NMT1: variants seen among roughly 807,000 people sequenced by gnomAD.
NMT1 encodes the protein glycylpeptide N-tetradecanoyltransferase 1.
A neutral mutation model predicts 63.4 loss-of-function variants in NMT1; 12 were observed. That is an observed-to-expected ratio of 0.19 (90% CI 0.12 to 0.31). The LOEUF (loss-of-function observed/expected upper bound fraction) is 0.31. Among genes scored for constraint, NMT1 ranks in the 10% least tolerant of loss-of-function variants. NMT1 has a pLI of 1.00. For synonymous variants in NMT1, 228 were observed against 234.3 expected (o/e 0.97, Z 0.25); for missense variants, 432 against 634.6 (o/e 0.68, Z 3.43).
Position 45,103,827 on chromosome 17 carries a change from A to G in NMT1, c.1283A>G (p.Gln428Arg). 6.2e-7 allele frequency: 1 copy of G among 1,614,166 alleles called. No homozygotes were observed. The highest frequency in any genetic ancestry group is 8.5e-7 in the Non-Finnish European group (1 of 1,180,028). Residue 428 changes from glutamine (Q) to arginine (R), a missense_variant, in exon 10 of 12, where the codon CAG (glutamine) becomes CGG (arginine). Gln to Arg is a conservative substitution (Grantham distance 43). This residue lies in a region of NMT1 where 295 missense variants were observed against 489.7 expected (regional missense o/e 0.60). Coordinates refer to ENST00000258960, the MANE Select transcript of NMT1 (RefSeq NM_021079.5). The surrounding 1 kb of genome is among the most constrained non-coding windows in gnomAD (Gnocchi z 4.8). The stretch of plus-strand genomic sequence containing the variant: ...TATTCTTTCTACAACGTTCACACCC[A>G]GACCCCTCTTCTAGACCTCATGAGC... ...AAYSFYNVHTQTPLLDLMSDA... is the reference protein window; with the variant it reads ...AAYSFYNVHTRTPLLDLMSDA...
At position 45,108,271 on chromosome 17, in the gene NMT1, A is replaced by C. The variant is rs1305161174; in HGVS notation, c.*2632A>C. On this transcript the variant is annotated 3_prime_UTR_variant, in exon 12 of 12. Transcript: ENST00000258960. Reference sequence around the variant, plus strand: ...GACTCTGCATTTGACCACGGACTCCAGTCTGTGTGTAGGGAGAGAGCTGAG... The same window carrying C: ...GACTCTGCATTTGACCACGGACTCCCGTCTGTGTGTAGGGAGAGAGCTGAG... 6.6e-6 allele frequency: 1 copy of C among 152,238 alleles called. No homozygotes were observed. The highest frequency in any genetic ancestry group is 1.5e-5 in the Non-Finnish European group (1 of 68,076). 9.4% of individuals were successfully genotyped at this position (152,238 alleles called of 1,614,324 possible). A position where few individuals can be genotyped will look rare whatever the true frequency, so the allele number is the denominator to read the frequency against.
chr17:45,086,596 A>G lies in NMT1; in HGVS notation c.329A>G (p.Glu110Gly). ...SVGQGPAKTM[E>G]EASKRSYQFW... ...GGTCAGGGACCTGCCAAAACCATGG[A>G]GGAGGCTAGCAAGCGAAGCTACCAG... Residue 110 changes from glutamate (E) to glycine (G), a missense_variant, in exon 3 of 12, where the codon GAG becomes GGG. Glu to Gly is a moderately conservative substitution (Grantham distance 98). Coordinates refer to ENST00000258960, the MANE Select transcript of NMT1 (RefSeq NM_021079.5). 6.2e-7 allele frequency: 1 copy of G among 1,613,730 alleles called. No homozygotes were observed.
In NMT1 at chr17:45,093,718, C is replaced by T. The variant is rs1421268751; in HGVS notation, c.419C>T (p.Pro140Leu). ...EVVNTHGPVEPDKDNIRQEPY... is the reference protein window; with the variant it reads ...EVVNTHGPVELDKDNIRQEPY... ...GTGAACACCCATGGCCCCGTGGAGCCTGACAAGGACAATATCCGCCAGGAG... is the reference window on the plus strand; with the variant it reads ...GTGAACACCCATGGCCCCGTGGAGCTTGACAAGGACAATATCCGCCAGGAG... The change falls in exon 4 of 12, where the codon CCT (proline) becomes CTT (leucine). Residue 140 changes from proline (P) to leucine (L), a missense_variant. Physicochemically the swap from Pro to Leu is moderately conservative, Grantham distance 98. Coordinates refer to ENST00000258960, the MANE Select transcript of NMT1 (RefSeq NM_021079.5). 1 of 1,614,212 alleles carries T rather than the reference C, an allele frequency of 6.2e-7. No homozygotes were observed. Among genetic ancestry groups the T allele is most frequent in the Non-Finnish European group, 8.5e-7 (1 of 1,180,030 alleles).
chr17:45,100,302 C>T (rs536511408), intron 8 of NMT1, among the ~76,000 whole-genome samples: 1 of 152,182 alleles, frequency 6.6e-6, no homozygotes, highest in East Asian at 2.0e-4. Flanking sequence ...CGCAGTGGCT[C>T]ACGCCTGTAA....
Position 45,085,965 on chromosome 17 carries a change from G to T in NMT1, c.241-543G>T, listed in dbSNP as rs150125426. Among the ~76,000 whole-genome samples, 1,271 of 151,792 alleles carry T rather than the reference G, an allele frequency of 8.4e-3. 15 individuals are homozygous for T. Among genetic ancestry groups the T allele is most frequent in the African/African-American group, 0.029 (1,209 of 41,324 alleles). On this transcript the variant is annotated intron_variant, in intron 2 of 11. Coordinates refer to ENST00000258960, the MANE Select transcript of NMT1 (RefSeq NM_021079.5). ...GCCTCCTGAGTAGCTGGGATTACAG[G>T]GACACGCCGCCATGCCTGGCTAATT... is the stretch of plus-strand genomic sequence containing the variant.
At chr17:45,065,238 C>G (rs1950915446) in intron 1 of NMT1, among the ~76,000 whole-genome samples, 1 of 152,082 alleles carries the variant, frequency 6.6e-6, no homozygotes, top group South Asian at 2.1e-4. Flanking sequence ...TTCATCTCCC[C>G]TCACCAAGTG....
intron 1 of NMT1, among the ~76,000 whole-genome samples, chr17:45,074,736 T>G (rs1313315664): frequency 6.6e-6 from 1 of 152,162 alleles, no homozygotes; most frequent in African/African-American, 2.4e-5. Context: ...TACTCTTTAT[T>G]TTGGAACCAA....
At chr17:45,102,687 A>G (rs1432224678) in intron 8 of NMT1, among the ~76,000 whole-genome samples, 1 of 152,208 alleles carries the variant, frequency 6.6e-6, no homozygotes, top group Non-Finnish European at 1.5e-5. Flanking sequence ...AGGGTGGAGC[A>G]TGAAGGGTTG....
At chr17:45,099,905 C>T (rs1490889036) in intron 8 of NMT1, 3 of 166,394 alleles carry the variant, frequency 1.8e-5, no homozygotes, top group Admixed American at 1.2e-4. Context: ...GCCCCTCTGC[C>T]GGGTCAGGTA....
chr17:45,095,570 G>A (rs1251326063), intron 4 of NMT1, among the ~76,000 whole-genome samples: 2 of 152,132 alleles, frequency 1.3e-5, no homozygotes, highest in African/African-American at 4.8e-5. Context: ...AAATCAATCA[G>A]CCGGGTCAAT....
rs766531390 is a variant in NMT1 at position 45,098,519 on chromosome 17, G to A, written c.851G>A (p.Gly284Glu). The change falls in exon 7 of 12, where the codon GGG becomes GAG. Residue 284 changes from glycine to glutamate, a missense_variant. By Grantham distance (98) the Gly-to-Glu change is moderately conservative (BLOSUM62 -2). Coordinates refer to ENST00000258960, the MANE Select transcript of NMT1 (RefSeq NM_021079.5). Reference sequence around the variant, plus strand: ...ATCTTCCAAGCAGTTTACACTGCCGGGGTGGTACTACCAAAGCCCGTTGGC... The same window carrying A: ...ATCTTCCAAGCAGTTTACACTGCCGAGGTGGTACTACCAAAGCCCGTTGGC... ...EGIFQAVYTA[G>E]VVLPKPVGTC... 6.2e-7 allele frequency: 1 copy of A among 1,614,080 alleles called. No homozygotes were observed.
chr17:45,066,887 TTTAAAAAG>T (rs2053906650), intron 1 of NMT1, among the ~76,000 whole-genome samples: 1 of 151,998 alleles, frequency 6.6e-6, no homozygotes, highest in South Asian at 2.1e-4. Context: ...TAATTTTCTT[TTTAAAAAG>T]TTTCTGTAGA....
rs1427357837 is a variant in NMT1, at chr17:45,108,504, T to C, written c.*2865T>C. On this transcript the variant is annotated 3_prime_UTR_variant, in exon 12 of 12. Coordinates refer to ENST00000258960, the MANE Select transcript of NMT1 (RefSeq NM_021079.5). The stretch of plus-strand genomic sequence containing the variant: ...GCTGGCTCTCAGAAGCCTAGGGGAG[T>C]CCCTGTGGTCCTGAATTCTTTCCCC... 1 of 152,118 alleles carries C rather than the reference T, an allele frequency of 6.6e-6. No individual in the cohort carries two copies. Among genetic ancestry groups the C allele is most frequent in the Admixed American group, 6.6e-5 (1 of 15,226 alleles). 9.4% of individuals were successfully genotyped at this position (152,118 alleles called of 1,614,324 possible).
chr17:45,098,918 A>G (rs555043554), intron 7 of NMT1: 1 of 255,990 alleles, frequency 3.9e-6, no homozygotes, highest in South Asian at 7.2e-5. Context: ...TGTTTTGAAT[A>G]TTGTGTGCAC....
intron 3 of NMT1, among the ~76,000 whole-genome samples, chr17:45,087,786 G>A (rs769364071): frequency 1.6e-4 from 25 of 152,222 alleles, no homozygotes; most frequent in Admixed American, 2.0e-4. Context: ...TGCAGAGGAG[G>A]AGGGTGGGGC....
chr17:45,095,844 C>T (rs2054121820), intron 4 of NMT1, among the ~76,000 whole-genome samples: 1 of 152,178 alleles, frequency 6.6e-6, no homozygotes, highest in Admixed American at 6.5e-5. Flanking sequence ...ACAGCAGTGA[C>T]TCTCCGTGGT....
At chr17:45,064,126 A>C (rs1052689552) in intron 1 of NMT1, among the ~76,000 whole-genome samples, 1 of 152,182 alleles carries the variant, frequency 6.6e-6, no homozygotes, top group South Asian at 2.1e-4. Flanking sequence ...CGGAGGTTGC[A>C]GTGAGCTGAG....
At chr17:45,078,994 TA>T (rs1387345709) in intron 1 of NMT1, among the ~76,000 whole-genome samples, 3 of 152,188 alleles carry the variant, frequency 2.0e-5, no homozygotes, top group Non-Finnish European at 2.9e-5. Flanking sequence ...TTGTCTAAAA[TA>T]TACAGTTAAA....
At chr17:45,067,476 G>A (rs2053910390) in intron 1 of NMT1, among the ~76,000 whole-genome samples, 1 of 152,092 alleles carries the variant, frequency 6.6e-6, no homozygotes, top group Admixed American at 6.6e-5. Context: ...TCATTTCCTG[G>A]TTGTGAGATA....
Sources: allele counts gnomAD v4.1 joint callset (sites outside exome capture counted in the v4.1 genomes callset), GRCh38; gene constraint gnomAD v4.1.1; regional missense constraint gnomAD v4.1.1; non-coding constraint Gnocchi (gnomAD v3.1); transcripts MANE v1.5; gene names NCBI Gene and HGNC (gene_info 2026-07-23, HGNC 2026-07-21).